The following FHIT variants were observed in gnomAD, a reference collection of about 807,000 sequenced individuals.
The protein encoded by FHIT is bis(5'-adenosyl)-triphosphatase.
FHIT carries 19 observed loss-of-function variants against 17.9 expected under a neutral mutation model. The observed-to-expected ratio is 1.06, with a 90% CI of 0.74 to 1.56. The LOEUF (loss-of-function observed/expected upper bound fraction) is 1.56, where lower values mean the gene tolerates loss of function less well. FHIT is among the 40% of genes most tolerant of loss of function. The pLI is 0.00. For synonymous variants in FHIT, 81 were observed against 69.7 expected (o/e 1.16, Z -0.81); for missense variants, 248 against 189.2 (o/e 1.31, Z -1.82).
chr3:60,612,792 TC>T (rs1228017062), intron 4 of FHIT, among the ~76,000 whole-genome samples: 2 of 152,174 alleles, frequency 1.3e-5, no homozygotes, highest in Non-Finnish European at 2.9e-5. Flanking sequence ...AGACCACCAC[TC>T]CCATCTCCTC....
intron 5 of FHIT, among the ~76,000 whole-genome samples, chr3:60,182,157 A>G (rs1701967059): frequency 6.6e-6 from 1 of 152,174 alleles, no homozygotes; most frequent in Non-Finnish European, 1.5e-5. Context: ...GCTAATGAGC[A>G]ATGAAGGCAA....
At chr3:60,978,217 G>A (rs1236272949) in intron 3 of FHIT, among the ~76,000 whole-genome samples, 1 of 152,176 alleles carries the variant, frequency 6.6e-6, no homozygotes, top group Non-Finnish European at 1.5e-5. Context: ...CTTTGGGGTG[G>A]TTAGGGTAGT....
intron 8 of FHIT, 82 bp downstream of exon 8, chr3:59,922,264 G>T: frequency 1.7e-6 from 2 of 1,162,200 alleles, no homozygotes; most frequent in Non-Finnish European, 2.6e-6. Flanking sequence ...CATATCTAGG[G>T]TAATACTTGA....
At chr3:60,726,493 C>G (rs1278085467) in intron 4 of FHIT, among the ~76,000 whole-genome samples, 1 of 151,978 alleles carries the variant, frequency 6.6e-6, no homozygotes, top group Non-Finnish European at 1.5e-5. Context: ...GAGTGTTTTC[C>G]CAGATGGGTA....
chr3:60,112,956 G>A (rs1402845334), intron 5 of FHIT, among the ~76,000 whole-genome samples: 4 of 152,176 alleles, frequency 2.6e-5, no homozygotes, highest in African/African-American at 9.7e-5. Flanking sequence ...GGAATGCTAT[G>A]GGCTGATTGG....
chr3:60,002,933 T>C (rs537611221), intron 7 of FHIT, among the ~76,000 whole-genome samples: 45 of 152,256 alleles, frequency 3.0e-4, no homozygotes, highest in African/African-American at 9.4e-4. Flanking sequence ...GAATCAACTG[T>C]GGACCTTTCA....
intron 4 of FHIT, among the ~76,000 whole-genome samples, chr3:60,549,959 G>A (rs1291771582): frequency 3.3e-5 from 5 of 152,154 alleles, no homozygotes; most frequent in Admixed American, 1.3e-4. Flanking sequence ...TAGAAGGCAC[G>A]AATGTCTTTG....
intron 5 of FHIT, among the ~76,000 whole-genome samples, chr3:60,117,858 A>G (rs1210039929): frequency 3.3e-5 from 5 of 152,264 alleles, no homozygotes; most frequent in South Asian, 4.1e-4. Context: ...AAGGAGGAAG[A>G]AAGACCACCA....
chr3:60,401,614 G>A (rs772614695), intron 5 of FHIT, among the ~76,000 whole-genome samples: 101 of 151,906 alleles, frequency 6.6e-4, no homozygotes, highest in Non-Finnish European at 1.1e-3. Flanking sequence ...GTTAGTCCCC[G>A]GTGCTTCCCC....
chr3:60,085,244 G>T (rs543005338), intron 5 of FHIT, among the ~76,000 whole-genome samples: 1 of 152,098 alleles, frequency 6.6e-6, no homozygotes, highest in Non-Finnish European at 1.5e-5. Context: ...ATAAAAGACG[G>T]GTACAGACAA....
chr3:59,814,505 CA>C, intron 8 of FHIT, among the ~76,000 whole-genome samples: 1 of 152,184 alleles, frequency 6.6e-6, no homozygotes, highest in Non-Finnish European at 1.5e-5. Context: ...TTAAGAAGTT[CA>C]TGCTTTAGCA....
rs567153469 is a variant in FHIT, at chr3:60,046,570, A to G, written c.104-32418T>C. Among the ~76,000 whole-genome samples the G allele has an allele frequency of 1.4e-4, 21 of 152,310 alleles. No homozygotes were observed. The South Asian group carries it at 4.4e-3, about 32-fold the overall frequency. ...AGGACTTGTTCACAAATTTAGGGGG[A>G]AAAATAAAAAAGACAAACAGAGCTA... On this transcript the variant is annotated intron_variant, in intron 5 of 9. Coordinates refer to ENST00000492590, the MANE Select transcript of FHIT (RefSeq NM_002012.4).
At position 60,249,394 on chromosome 3, in the gene FHIT, T is replaced by C. The variant is rs533752961; in HGVS notation, c.104-235242A>G. ...CCTCCTCCACAAAACCCATGTGCTC[T>C]GAGGGAGGCTGACTCCATCACTTGG... On this transcript the variant is annotated intron_variant, in intron 5 of 9. Coordinates refer to ENST00000492590, the MANE Select transcript of FHIT (RefSeq NM_002012.4). Among the ~76,000 whole-genome samples, 31 of 152,244 alleles carry C rather than the reference T, an allele frequency of 2.0e-4. 1 individual carries two copies. In the South Asian group the frequency reaches 4.8e-3, roughly 23 times the overall value.
intron 5 of FHIT, among the ~76,000 whole-genome samples, chr3:60,092,374 T>C (rs1703769852): frequency 6.6e-6 from 1 of 152,192 alleles, no homozygotes; most frequent in Non-Finnish European, 1.5e-5. Flanking sequence ...TAAGAAATAA[T>C]GATCTGTTGC....
chr3:60,209,781 G>T (rs1174304963), intron 5 of FHIT, among the ~76,000 whole-genome samples: 1 of 152,156 alleles, frequency 6.6e-6, no homozygotes, highest in South Asian at 2.1e-4. Context: ...CATGTCATTT[G>T]CAGGGACATG....
At chr3:61,208,880 G>A (rs949320027) in intron 1 of FHIT, among the ~76,000 whole-genome samples, 7 of 152,030 alleles carry the variant, frequency 4.6e-5, no homozygotes, top group South Asian at 4.2e-4. Context: ...TGGTTATTTC[G>A]CTCATTAGTT....
At chr3:60,907,872 T>C (rs1706519197) in intron 3 of FHIT, among the ~76,000 whole-genome samples, 1 of 152,226 alleles carries the variant, frequency 6.6e-6, no homozygotes, top group African/African-American at 2.4e-5. Context: ...GCAATAACTC[T>C]ATGTGATTGA....
chr3:61,206,413 T>C lies in FHIT; in HGVS notation c.-212-5748A>G, dbSNP rs1253544220. Among the ~76,000 whole-genome samples, 7 of 151,062 alleles carry C rather than the reference T, an allele frequency of 4.6e-5. No individual in the cohort carries two copies. In the East Asian group the frequency reaches 9.8e-4, roughly 21 times the overall value. ...AATCTATAAATTACCTTGGGCATTA[T>C]GGCCATTTTGACAATATTGATTCTT... On this transcript the variant is annotated intron_variant, in intron 1 of 9. Transcript: ENST00000492590.
chr3:60,327,154 G>A (rs1248870325), intron 5 of FHIT, among the ~76,000 whole-genome samples: 1 of 152,132 alleles, frequency 6.6e-6, no homozygotes, highest in African/African-American at 2.4e-5. Flanking sequence ...CTATAACACA[G>A]TCTATGTTTC....
Sources: gnomAD v4.1 joint callset for allele counts (sites outside exome capture counted in the v4.1 genomes callset) on GRCh38, gnomAD v4.1.1 for gene constraint, MANE v1.5 for transcripts, NCBI Gene and HGNC (gene_info 2026-07-23, HGNC 2026-07-21) for gene names.